The following PRKN variants were observed in gnomAD, a reference collection of about 807,000 sequenced individuals.
The protein encoded by PRKN is parkin RBR E3 ubiquitin protein ligase.
PRKN carries 56 observed loss-of-function variants against 59.5 expected under a neutral mutation model. The ratio of observed to expected loss-of-function variants is 0.94; its 90% CI spans 0.76 to 1.18. PRKN has a LOEUF of 1.18. PRKN is among the 50% of genes most tolerant of loss of function. The pLI is 0.00. For synonymous variants in PRKN, 250 were observed against 222.1 expected, an observed-to-expected ratio of 1.13 and a Z score of -1.12; for missense variants, 657 against 596.4, an observed-to-expected ratio of 1.10 and a Z score of -1.06.
At chr6:162,308,412 T>C (rs1782331597) in intron 2 of PRKN, among the ~76,000 whole-genome samples, 1 of 152,114 alleles carries the variant, frequency 6.6e-6, no homozygotes, top group Non-Finnish European at 1.5e-5. Flanking sequence ...GGGAAAACAA[T>C]TGATGTCAGG....
At chr6:162,175,444 G>A (rs1006513533) in intron 4 of PRKN, among the ~76,000 whole-genome samples, 5 of 152,182 alleles carry the variant, frequency 3.3e-5, no homozygotes, top group African/African-American at 1.2e-4. Context: ...TAGGATATAA[G>A]TATGCAACCC....
At chr6:161,902,689 T>C (rs1287433344) in intron 6 of PRKN, among the ~76,000 whole-genome samples, 1 of 151,634 alleles carries the variant, frequency 6.6e-6, no homozygotes, top group East Asian at 1.9e-4. Context: ...GCCTCCCAAG[T>C]AGCTGGGATT....
intron 6 of PRKN, among the ~76,000 whole-genome samples, chr6:161,921,793 G>T (rs191458456): frequency 7.4e-4 from 113 of 152,306 alleles, no homozygotes; most frequent in African/African-American, 2.6e-3. Context: ...GCCAGTCACT[G>T]TGTTGAAATT....
intron 6 of PRKN, among the ~76,000 whole-genome samples, chr6:161,903,400 A>G (rs1778010652): frequency 6.6e-6 from 1 of 152,170 alleles, no homozygotes; most frequent in Non-Finnish European, 1.5e-5. Flanking sequence ...CTGAGTCAAA[A>G]AGATGAATAT....
chr6:162,707,758 A>T (rs1247390549), intron 1 of PRKN, among the ~76,000 whole-genome samples: 2 of 152,194 alleles, frequency 1.3e-5, no homozygotes, highest in Non-Finnish European at 2.9e-5. Flanking sequence ...TATTTTTAGT[A>T]GAGATGGGGT....
chr6:162,192,769 T>G (rs1703831655), intron 4 of PRKN, among the ~76,000 whole-genome samples: 1 of 152,170 alleles, frequency 6.6e-6, no homozygotes, highest in Admixed American at 6.6e-5. Flanking sequence ...CAGAGTAATA[T>G]GCTTTTAACT....
chr6:161,908,599 C>T (rs185878110), intron 6 of PRKN, among the ~76,000 whole-genome samples: 12 of 148,818 alleles, frequency 8.1e-5, no homozygotes, highest in Admixed American at 3.3e-4. Flanking sequence ...GAAAAAAAAA[C>T]GAATAGTTTA....
intron 1 of PRKN, among the ~76,000 whole-genome samples, chr6:162,698,103 T>C (rs1778029299): frequency 6.6e-6 from 1 of 152,198 alleles, no homozygotes; most frequent in African/African-American, 2.4e-5. Context: ...AAAGGATGGA[T>C]CTCCTCCTGC....
At chr6:161,659,127 G>C (rs1784456226) in intron 7 of PRKN, among the ~76,000 whole-genome samples, 1 of 152,192 alleles carries the variant, frequency 6.6e-6, no homozygotes. Flanking sequence ...GCTATGCTGA[G>C]CACCACATTC....
At position 161,797,369 on chromosome 6, in the gene PRKN, T is replaced by C. The variant is rs59989446; in HGVS notation, c.735-11461A>G. Among the ~76,000 whole-genome samples, 592 of 152,246 alleles carry C rather than the reference T, an allele frequency of 3.9e-3. 3 individuals carry two copies. The highest frequency in any genetic ancestry group is 0.013 in the African/African-American group (529 of 41,566). The stretch of plus-strand genomic sequence containing the variant: ...GCAACCTCTGCCTCCTGGGTTCAAG[T>C]GATTCTTGTGCCTCAGCCCCCTACG... On this transcript the variant is annotated intron_variant, in intron 6 of 11. Transcript: ENST00000366898.
rs76736636 is a variant in PRKN at position 161,688,406 on chromosome 6, T to C, written c.871+97366A>G. ...GGGGAAGAGCCTATGCTCTCATGTT[T>C]GGACATTCCTAGCAACGGGTTCCAT... is the stretch of plus-strand genomic sequence containing the variant. On this transcript the variant is annotated intron_variant, in intron 7 of 11. Coordinates refer to ENST00000366898, the MANE Select transcript of PRKN (RefSeq NM_004562.3). Among the ~76,000 whole-genome samples the C allele has an allele frequency of 6.8e-3, 1,029 of 152,374 alleles. 2 individuals carry two copies. Among genetic ancestry groups the C allele is most frequent in the Admixed American group, 0.011 (170 of 15,306 alleles).
At chr6:161,980,921 C>T (rs1379708649) in intron 5 of PRKN, among the ~76,000 whole-genome samples, 1 of 152,202 alleles carries the variant, frequency 6.6e-6, no homozygotes, top group Non-Finnish European at 1.5e-5. Context: ...CAAAAATACA[C>T]ATTCAGATAT....
intron 4 of PRKN, among the ~76,000 whole-genome samples, chr6:162,123,700 A>G (rs984701935): frequency 6.6e-6 from 1 of 152,198 alleles, no homozygotes; most frequent in African/African-American, 2.4e-5. Flanking sequence ...AGGTATACCC[A>G]TGGAGTATTT....
chr6:161,978,914 C>A (rs951692871), intron 5 of PRKN, among the ~76,000 whole-genome samples: 4 of 152,204 alleles, frequency 2.6e-5, no homozygotes, highest in Non-Finnish European at 5.9e-5. Flanking sequence ...GGAAGCCCAG[C>A]TGTCAATTCT....
rs145296033 is a variant in PRKN at position 162,382,131 on chromosome 6, C to G, written c.171+61179G>C. On this transcript the variant is annotated intron_variant, in intron 2 of 11. Transcript: ENST00000366898. ...ATCCTATAATCGGTAGTATTCTCCC[C>G]CACTCAGAGTCATAAATAAGGTTAA... Among the ~76,000 whole-genome samples, 64 of 152,190 alleles carry G rather than the reference C, an allele frequency of 4.2e-4. No individual in the cohort carries two copies. In the East Asian group the frequency reaches 0.011, roughly 26 times the overall value.
chr6:161,963,378 C>G (rs939079097), intron 6 of PRKN, among the ~76,000 whole-genome samples: 2 of 152,222 alleles, frequency 1.3e-5, no homozygotes, highest in African/African-American at 4.8e-5. Flanking sequence ...CCTGTGACAT[C>G]TCTAGGAAGC....
At chr6:161,834,251 C>G (rs115573861) in intron 6 of PRKN, among the ~76,000 whole-genome samples, 5 of 151,920 alleles carry the variant, frequency 3.3e-5, no homozygotes, top group Non-Finnish European at 5.9e-5. Context: ...CTCCCTTAGT[C>G]GGTCTACACA....
At chr6:162,644,088 C>T (rs772547317) in intron 1 of PRKN, among the ~76,000 whole-genome samples, 6 of 152,118 alleles carry the variant, frequency 3.9e-5, no homozygotes, top group Non-Finnish European at 5.9e-5. Context: ...GTAGGTTGAA[C>T]GCTCCCACTT....
chr6:162,139,738 C>T (rs1457957865), intron 4 of PRKN, among the ~76,000 whole-genome samples: 1 of 152,112 alleles, frequency 6.6e-6, no homozygotes, highest in Non-Finnish European at 1.5e-5. Flanking sequence ...AGTATAAAAA[C>T]AGACCCGCAC....
Sources: allele counts gnomAD v4.1 joint callset (sites outside exome capture counted in the v4.1 genomes callset), GRCh38; gene constraint gnomAD v4.1.1; transcripts MANE v1.5; gene names NCBI Gene and HGNC (gene_info 2026-07-23, HGNC 2026-07-21).